Variants in TPMT observed in about 807,000 individuals in gnomAD.
TPMT encodes the protein thiopurine S-methyltransferase.
A neutral mutation model predicts 34.2 loss-of-function variants in TPMT; 18 were observed. The observed-to-expected ratio is 0.53, with a 90% CI of 0.36 to 0.78. The LOEUF (loss-of-function observed/expected upper bound fraction) is 0.78. TPMT is among the 30% of genes least tolerant of loss of function. TPMT has a pLI of 0.00. For missense variants in TPMT, 265 were observed against 288.1 expected (o/e 0.92, Z 0.58); for synonymous variants, 69 against 92.4 (o/e 0.75, Z 1.45).
rs1784050402 is a variant in TPMT, at chr6:18,136,843, T to A, written c.494+2120A>T. ...AAGATTTGATTTTTCTCTCATAAAA[T>A]TTTTTTTTCTTTCTGGTAGGACAAA... On this transcript the variant is annotated intron_variant, in intron 6 of 8. Coordinates refer to ENST00000309983, the MANE Select transcript of TPMT (RefSeq NM_000367.5). This position sits in a 1 kb window ranked among gnomAD's most constrained non-coding sequence, Gnocchi z 4.7. Among the ~76,000 whole-genome samples the A allele has an allele frequency of 6.6e-6, 1 of 151,888 alleles. No homozygotes were observed. Among genetic ancestry groups the A allele is most frequent in the African/African-American group, 2.4e-5 (1 of 41,346 alleles).
chr6:18,151,080 G>C (rs901279521), intron 1 of TPMT, among the ~76,000 whole-genome samples: 1 of 151,822 alleles, frequency 6.6e-6, no homozygotes, highest in African/African-American at 2.4e-5. Flanking sequence ...CTTCTGACCC[G>C]GTATGGTAAA....
At position 18,149,510 on chromosome 6, in the gene TPMT, C is replaced by A. The variant is rs370227649; in HGVS notation, c.-44-339G>T. On this transcript the variant is annotated intron_variant, in intron 1 of 8. Coordinates refer to ENST00000309983, the MANE Select transcript of TPMT (RefSeq NM_000367.5). This position sits in a 1 kb window ranked among gnomAD's most constrained non-coding sequence, Gnocchi z 5.0. ...CAGAGACAAGGTCTTGCTCTGTCACCCAGGCTGGAGACCCTGGCTTACTGC... is the reference window on the plus strand; with the variant it reads ...CAGAGACAAGGTCTTGCTCTGTCACACAGGCTGGAGACCCTGGCTTACTGC... Among the ~76,000 whole-genome samples, 13 of 151,792 alleles carry A rather than the reference C, an allele frequency of 8.6e-5. No homozygotes were observed. The highest frequency in any genetic ancestry group is 2.9e-4 in the African/African-American group (12 of 41,370).
chr6:18,137,037 T>C (rs920388228), intron 6 of TPMT, among the ~76,000 whole-genome samples: 30 of 152,064 alleles, frequency 2.0e-4, no homozygotes, highest in African/African-American at 7.2e-4. Context: ...CATGGTCTAA[T>C]TTAAAAAGAT....
In TPMT at chr6:18,147,916, C is replaced by G; in HGVS notation, c.141-1G>C. The G allele has an allele frequency of 6.2e-7, 1 of 1,611,058 alleles. No homozygotes were observed. The highest frequency in any genetic ancestry group is 8.5e-7 in the Non-Finnish European group (1 of 1,178,340). ...AGTATCTAAATGCTTCTTTAATAGC[C>G]TGAAGAGGAAAAAAAAAAAGGTTTT... On this transcript the variant is annotated splice_acceptor_variant, in intron 2 of 8. Coordinates refer to ENST00000309983, the MANE Select transcript of TPMT (RefSeq NM_000367.5). LOFTEE classifies it high-confidence loss of function.
In TPMT at chr6:18,132,567, G is replaced by A. The variant is rs984660472; in HGVS notation, c.581-390C>T. Among the ~76,000 whole-genome samples the A allele has an allele frequency of 2.0e-5, 3 of 151,958 alleles. No homozygotes were observed. The highest frequency in any genetic ancestry group is 4.4e-5 in the Non-Finnish European group (3 of 68,022). ...TAGAGTATAAGGAAGCTGAGCTTCCGCCCCCTTCTAAGAGCAGTATCCTCA... is the reference window on the plus strand; with the variant it reads ...TAGAGTATAAGGAAGCTGAGCTTCCACCCCCTTCTAAGAGCAGTATCCTCA... On this transcript the variant is annotated intron_variant, in intron 7 of 8. Transcript: ENST00000309983. The surrounding 1 kb of genome is among the most constrained non-coding windows in gnomAD (Gnocchi z 4.8).
chr6:18,148,917 C>T lies in TPMT; in HGVS notation c.140+71G>A. ...CTAAAAGTTAGTCAAATAATGTGTACTTTTATTATTTCTATCTCAAAGTCA... is the reference window on the plus strand; with the variant it reads ...CTAAAAGTTAGTCAAATAATGTGTATTTTTATTATTTCTATCTCAAAGTCA... On this transcript the variant is annotated intron_variant, in intron 2 of 8. Transcript: ENST00000309983. This position sits in a 1 kb window ranked among gnomAD's most constrained non-coding sequence, Gnocchi z 4.1. 2 of 1,603,950 alleles carry T rather than the reference C, an allele frequency of 1.2e-6. No individual in the cohort carries two copies. Among genetic ancestry groups the T allele is most frequent in the Non-Finnish European group, 1.7e-6 (2 of 1,173,226 alleles).
rs1784288241 is a variant in TPMT at position 18,148,364 on chromosome 6, T to G, written c.141-449A>C. On this transcript the variant is annotated intron_variant, in intron 2 of 8. Transcript: ENST00000309983. This position sits in a 1 kb window ranked among gnomAD's most constrained non-coding sequence, Gnocchi z 4.1. The stretch of plus-strand genomic sequence containing the variant: ...TGTGGCTCTTCTAAGGCCATCCACA[T>G]GACAGAAATAACCCAGTGTTTCTGG... Among the ~76,000 whole-genome samples the G allele has an allele frequency of 1.3e-5, 2 of 152,122 alleles. No homozygotes were observed.
In TPMT at chr6:18,136,424, G is replaced by A. The variant is rs985125543; in HGVS notation, c.495-2535C>T. Reference sequence around the variant, plus strand: ...TATAATCTGTTCAGTTACTTGCCCCGCCTCTGGCATACTATCTATTTGGAA... The same window carrying A: ...TATAATCTGTTCAGTTACTTGCCCCACCTCTGGCATACTATCTATTTGGAA... On this transcript the variant is annotated intron_variant, in intron 6 of 8. Transcript: ENST00000309983. This position sits in a 1 kb window ranked among gnomAD's most constrained non-coding sequence, Gnocchi z 4.7. Among the ~76,000 whole-genome samples, 4 of 152,080 alleles carry A rather than the reference G, an allele frequency of 2.6e-5. No homozygotes were observed. Among genetic ancestry groups the A allele is most frequent in the Admixed American group, 6.5e-5 (1 of 15,268 alleles).
chr6:18,150,779 G>A lies in TPMT; in HGVS notation c.-44-1608C>T, dbSNP rs1784337396. Among the ~76,000 whole-genome samples the A allele has an allele frequency of 6.6e-6, 1 of 152,114 alleles. No homozygotes were observed. The highest frequency in any genetic ancestry group is 2.4e-5 in the African/African-American group (1 of 41,418). ...CAAATTCTTGGTTAGAAGTGTGGGG[G>A]CCATAGGGGGTTGGGCACCCTAAAG... On this transcript the variant is annotated intron_variant, in intron 1 of 8. Coordinates refer to ENST00000309983, the MANE Select transcript of TPMT (RefSeq NM_000367.5). The surrounding 1 kb of genome is among the most constrained non-coding windows in gnomAD (Gnocchi z 5.3).
Position 18,139,444 on chromosome 6 carries a change from C to A in TPMT, c.419+221G>T, listed in dbSNP as rs1235964143. On this transcript the variant is annotated intron_variant, in intron 5 of 8. Coordinates refer to ENST00000309983, the MANE Select transcript of TPMT (RefSeq NM_000367.5). This position sits in a 1 kb window ranked among gnomAD's most constrained non-coding sequence, Gnocchi z 4.2. ...CTTACTCACCTTTCTTTTTCCCTAG[C>A]TGCCTCAGTTTCCCATAGTTTGGGA... Among the ~76,000 whole-genome samples, 1 of 152,194 alleles carries A rather than the reference C, an allele frequency of 6.6e-6. No homozygotes were observed. Among genetic ancestry groups the A allele is most frequent in the African/African-American group, 2.4e-5 (1 of 41,452 alleles).
At chr6:18,134,437 TAG>T (rs1784006391) in intron 6 of TPMT, among the ~76,000 whole-genome samples, 1 of 147,102 alleles carries the variant, frequency 6.8e-6, no homozygotes, top group Admixed American at 7.1e-5. Context: ...TCTATTTAGT[TAG>T]AAATGAGAGT....
rs958907997 is a variant in TPMT at position 18,143,900 on chromosome 6, T to C, written c.234-172A>G. ...AGATCTATATTATTTTCAAACCTTA[T>C]AAAAATTCTGAAAAACTGACTTATA... On this transcript the variant is annotated intron_variant, in intron 3 of 8. Coordinates refer to ENST00000309983, the MANE Select transcript of TPMT (RefSeq NM_000367.5). This position sits in a 1 kb window ranked among gnomAD's most constrained non-coding sequence, Gnocchi z 6.1. Among the ~76,000 whole-genome samples, 4 of 152,262 alleles carry C rather than the reference T, an allele frequency of 2.6e-5. No homozygotes were observed. Among genetic ancestry groups the C allele is most frequent in the African/African-American group, 9.6e-5 (4 of 41,574 alleles).
intron 6 of TPMT, among the ~76,000 whole-genome samples, chr6:18,137,968 T>C (rs539012689): frequency 5.3e-5 from 8 of 152,190 alleles, no homozygotes; most frequent in Admixed American, 2.6e-4. Context: ...TTAGTAGAGA[T>C]GGGGTTTCAC....
chr6:18,152,917 C>G (rs1784381800), intron 1 of TPMT, among the ~76,000 whole-genome samples: 1 of 152,174 alleles, frequency 6.6e-6, no homozygotes, highest in Non-Finnish European at 1.5e-5. Context: ...TCTGGCCAGT[C>G]TACTGAGAAT....
Position 18,131,936 on chromosome 6 carries a change from C to A in TPMT, c.625+197G>T, listed in dbSNP as rs532458783. On this transcript the variant is annotated intron_variant, in intron 8 of 8. Transcript: ENST00000309983. This position sits in a 1 kb window ranked among gnomAD's most constrained non-coding sequence, Gnocchi z 4.3. Reference sequence around the variant, plus strand: ...GGGACTACAGGCACATGCCACCACACTGGCCTAATTTTTGTATTTTTGTAG... The same window carrying A: ...GGGACTACAGGCACATGCCACCACAATGGCCTAATTTTTGTATTTTTGTAG... Among the ~76,000 whole-genome samples, 17 of 152,326 alleles carry A rather than the reference C, an allele frequency of 1.1e-4. No homozygotes were observed. Among genetic ancestry groups the A allele is most frequent in the African/African-American group, 4.1e-4 (17 of 41,590 alleles).
At position 18,149,731 on chromosome 6, in the gene TPMT, C is replaced by T. The variant is rs113504605; in HGVS notation, c.-44-560G>A. ...CCTTCTGTCTTGGCCTCGCAAAGCA[C>T]TGGGATTACAAGTGTGAGTCACTGC... is the stretch of plus-strand genomic sequence containing the variant. On this transcript the variant is annotated intron_variant, in intron 1 of 8. Coordinates refer to ENST00000309983, the MANE Select transcript of TPMT (RefSeq NM_000367.5). The surrounding 1 kb of genome is among the most constrained non-coding windows in gnomAD (Gnocchi z 5.0). Among the ~76,000 whole-genome samples, 318 of 152,260 alleles carry T rather than the reference C, an allele frequency of 2.1e-3. No individual in the cohort carries two copies. Among genetic ancestry groups the T allele is most frequent in the Middle Eastern group, 6.8e-3 (2 of 294 alleles).
At chr6:18,144,318 T>C (rs1784207540) in intron 3 of TPMT, among the ~76,000 whole-genome samples, 3 of 152,210 alleles carry the variant, frequency 2.0e-5, no homozygotes, top group Admixed American at 2.0e-4. Context: ...ATAAACACTA[T>C]CCAAAAATTT....
Position 18,136,565 on chromosome 6 carries a change from C to T in TPMT, c.494+2398G>A, listed in dbSNP as rs377510263. On this transcript the variant is annotated intron_variant, in intron 6 of 8. Transcript: ENST00000309983. The surrounding 1 kb of genome is among the most constrained non-coding windows in gnomAD (Gnocchi z 4.7). ...TGGCTTACACCTCTAATCCCAGCAC[C>T]GGGTGGCCGAGGCGGGTGGATCAGC... is the stretch of plus-strand genomic sequence containing the variant. 6.6e-6 allele frequency among the ~76,000 whole-genome samples: 1 copy of T among 152,086 alleles called. No individual in the cohort carries two copies. The highest frequency in any genetic ancestry group is 2.4e-5 in the African/African-American group (1 of 41,392).
In TPMT at chr6:18,139,758, TAGTA is replaced by T. The variant is rs1784109770; in HGVS notation, c.367-45_367-42del. 7.1e-7 allele frequency: 1 copy of T among 1,410,982 alleles called. No homozygotes were observed. The highest frequency in any genetic ancestry group is 2.4e-5 in the East Asian group (1 of 41,648). The allele number at this position is 1,410,982 out of a possible 1,614,324, so 87.4% of individuals were successfully genotyped here. On this transcript the variant is annotated intron_variant, in intron 4 of 8. Coordinates refer to ENST00000309983, the MANE Select transcript of TPMT (RefSeq NM_000367.5). The surrounding 1 kb of genome is among the most constrained non-coding windows in gnomAD (Gnocchi z 4.2). ...GAAAAAAAAATTTTTTTTTTTTACTTAGTAAGTACTTGAATAGTCAAGGAAAGAG... is the reference window on the plus strand; with the variant it reads ...GAAAAAAAAATTTTTTTTTTTTACTTAGTACTTGAATAGTCAAGGAAAGAG...
Sources: gnomAD v4.1 joint callset for allele counts (sites outside exome capture counted in the v4.1 genomes callset) on GRCh38, gnomAD v4.1.1 for gene constraint, Gnocchi (gnomAD v3.1) non-coding constraint, MANE v1.5 for transcripts, NCBI Gene and HGNC (gene_info 2026-07-23, HGNC 2026-07-21) for gene names.